The following DACH1 variants were observed in gnomAD, a reference collection of about 807,000 sequenced individuals.
DACH1 encodes dachshund homolog 1.
DACH1 carries 12 observed loss-of-function variants against 54.2 expected under a neutral mutation model. The ratio of observed to expected loss-of-function variants is 0.22; its 90% CI spans 0.14 to 0.36. The LOEUF (loss-of-function observed/expected upper bound fraction) is 0.36, where lower values mean the gene tolerates loss of function less well. Ranked by LOEUF, DACH1 falls within the 10% of genes least tolerant of loss-of-function variation. DACH1 has a pLI of 1.00. For synonymous variants in DACH1, 386 were observed against 366.2 expected (o/e 1.05, Z -0.62); for missense variants, 805 against 929.8 (o/e 0.87, Z 1.75).
rs750752070 is a variant in DACH1 at position 71,866,712 on chromosome 13, TTGG to T, written c.55_57del (p.Pro19del). The T allele has an allele frequency of 7.0e-7, 1 of 1,434,784 alleles. No individual in the cohort carries two copies. The highest frequency in any genetic ancestry group is 1.5e-5 in the African/African-American group (1 of 68,018). The allele number at this position is 1,434,784 out of a possible 1,614,324, so 88.9% of individuals were successfully genotyped here. A position where few individuals can be genotyped will look rare whatever the true frequency, so the allele number is the denominator to read the frequency against. On this transcript the variant is annotated inframe_deletion, in exon 1 of 11. Coordinates refer to ENST00000613252, the MANE Select transcript of DACH1 (RefSeq NM_080759.6). ...CCAGAGGAGGAAGCAGACGTGGAGA[TTGG>T]GGGTTGAGGGGGGACCAGCTGGGTC...
chr13:71,696,135 T>C (rs1440074203), intron 1 of DACH1, among the ~76,000 whole-genome samples: 1 of 152,104 alleles, frequency 6.6e-6, no homozygotes, highest in East Asian at 1.9e-4. Context: ...GACGGGGTCA[T>C]CTTCACCCCA....
At chr13:71,661,400 T>C (rs1021381610) in intron 2 of DACH1, among the ~76,000 whole-genome samples, 1 of 151,874 alleles carries the variant, frequency 6.6e-6, no homozygotes, top group African/African-American at 2.4e-5. Flanking sequence ...ATTTACTATG[T>C]TCTGGGATAT....
chr13:71,803,841 CCT>C (rs1446172938), intron 1 of DACH1, among the ~76,000 whole-genome samples: 1 of 152,102 alleles, frequency 6.6e-6, no homozygotes, highest in African/African-American at 2.4e-5. Flanking sequence ...CCTTCTCTTT[CCT>C]CTCTTTAAAA....
intron 2 of DACH1, among the ~76,000 whole-genome samples, chr13:71,663,003 G>A (rs1001067744): frequency 2.0e-5 from 3 of 151,886 alleles, no homozygotes; most frequent in African/African-American, 4.8e-5. Flanking sequence ...CATTTCTAAA[G>A]TGCGCATTTC....
intron 3 of DACH1, among the ~76,000 whole-genome samples, chr13:71,608,313 T>C (rs1593977663): frequency 6.6e-6 from 1 of 152,004 alleles, no homozygotes; most frequent in African/African-American, 2.4e-5. Flanking sequence ...GTTTCTTCTA[T>C]GAAAACTATT....
chr13:71,459,585 C>T (rs1247492121), intron 10 of DACH1, among the ~76,000 whole-genome samples: 1 of 151,614 alleles, frequency 6.6e-6, no homozygotes, highest in Admixed American at 6.6e-5. Flanking sequence ...TAGTGGTATA[C>T]AAAGGGAGAT....
chr13:71,565,012 C>T (rs796753240), intron 4 of DACH1, among the ~76,000 whole-genome samples: 13 of 152,168 alleles, frequency 8.5e-5, no homozygotes, highest in African/African-American at 3.1e-4. Flanking sequence ...ACCTCCACCT[C>T]CCTGGTTCAA....
At chr13:71,858,251 G>A (rs1874130407) in intron 1 of DACH1, among the ~76,000 whole-genome samples, 2 of 151,292 alleles carry the variant, frequency 1.3e-5, no homozygotes. Context: ...TTTTTTTCCT[G>A]TTGTAACTGG....
chr13:71,671,322 A>G (rs985773828), intron 2 of DACH1, among the ~76,000 whole-genome samples: 11 of 152,054 alleles, frequency 7.2e-5, no homozygotes, highest in African/African-American at 2.7e-4. Context: ...TAGCTTTACC[A>G]TAGTCACAGT....
chr13:71,692,428 A>G (rs765412797), intron 1 of DACH1, among the ~76,000 whole-genome samples: 30 of 151,694 alleles, frequency 2.0e-4, no homozygotes, highest in South Asian at 1.0e-3. Context: ...TTATTAGTCA[A>G]ACATCTTTAG....
intron 2 of DACH1, among the ~76,000 whole-genome samples, chr13:71,654,208 G>A (rs1239423986): frequency 6.6e-6 from 1 of 151,448 alleles, no homozygotes; most frequent in East Asian, 1.9e-4. Flanking sequence ...TGGCTAACAC[G>A]GTGAAACCTG....
chr13:71,489,197 T>C (rs956360722), intron 6 of DACH1, 49 bp from the exon 7 acceptor site: 1 of 1,580,538 alleles, frequency 6.3e-7, no homozygotes, highest in Non-Finnish European at 8.6e-7. Flanking sequence ...CTTGTCTGTT[T>C]TTATTAGACC....
intron 2 of DACH1, among the ~76,000 whole-genome samples, chr13:71,633,572 C>T (rs1712432976): frequency 6.6e-6 from 1 of 151,454 alleles, no homozygotes; most frequent in South Asian, 2.1e-4. Context: ...ATTTCTAATA[C>T]AAAGTCCAAA....
intron 2 of DACH1, among the ~76,000 whole-genome samples, chr13:71,669,064 A>G (rs985000942): frequency 8.5e-5 from 13 of 152,246 alleles, no homozygotes; most frequent in African/African-American, 3.1e-4. Context: ...TGTGAAACAA[A>G]GCAAATTATC....
intron 1 of DACH1, among the ~76,000 whole-genome samples, chr13:71,761,349 T>C (rs957211689): frequency 2.6e-5 from 4 of 152,188 alleles, no homozygotes; most frequent in East Asian, 1.9e-4. Context: ...CTTGTACTTA[T>C]AAGCGCTGAC....
chr13:71,442,249 G>T (rs1367431338), intron 10 of DACH1, among the ~76,000 whole-genome samples: 1 of 151,940 alleles, frequency 6.6e-6, no homozygotes, highest in Non-Finnish European at 1.5e-5. Context: ...AAATTTAATG[G>T]TTTTAATTTT....
At chr13:71,675,366 G>C in intron 2 of DACH1, 1 of 1,509,930 alleles carries the variant, frequency 6.6e-7, no homozygotes, top group South Asian at 1.1e-5. Flanking sequence ...AGGCCTATCT[G>C]GTTGGCCTTT....
chr13:71,541,077 C>T (rs747381814), intron 6 of DACH1, among the ~76,000 whole-genome samples: 5 of 151,862 alleles, frequency 3.3e-5, no homozygotes, highest in East Asian at 1.9e-4. Flanking sequence ...TAATGAATTA[C>T]GTTACCATCC....
chr13:71,656,790 T>C (rs1387033462), intron 2 of DACH1, among the ~76,000 whole-genome samples: 1 of 149,198 alleles, frequency 6.7e-6, no homozygotes, highest in Non-Finnish European at 1.5e-5. Context: ...AATATATATA[T>C]TCTGACTTGA....
Sources: gnomAD v4.1 joint callset for allele counts (sites outside exome capture counted in the v4.1 genomes callset) on GRCh38, gnomAD v4.1.1 for gene constraint, MANE v1.5 for transcripts, NCBI Gene and HGNC (gene_info 2026-07-23, HGNC 2026-07-21) for gene names.